FGD6: variants seen among roughly 807,000 people sequenced by gnomAD.
FGD6 encodes FYVE, RhoGEF and PH domain-containing protein 6.
A neutral mutation model predicts 149.4 loss-of-function variants in FGD6; 90 were observed. The observed-to-expected ratio is 0.60, with a 90% CI of 0.51 to 0.72. The LOEUF (loss-of-function observed/expected upper bound fraction) is 0.72, where lower values mean the gene tolerates loss of function less well. Ranked by LOEUF, FGD6 falls within the 30% of genes least tolerant of loss-of-function variation. The pLI is 0.00. For missense variants in FGD6, 1,437 were observed against 1,684.8 expected, an observed-to-expected ratio of 0.85 and a Z score of 2.57; for synonymous variants, 527 against 584.0, an observed-to-expected ratio of 0.90 and a Z score of 1.41.
At chr12:95,199,361 T>C (rs1049807362) in intron 2 of FGD6, among the ~76,000 whole-genome samples, 3 of 152,214 alleles carry the variant, frequency 2.0e-5, no homozygotes, top group Non-Finnish European at 2.9e-5. Context: ...TGTTAATTTC[T>C]CACTTTTTTC....
chr12:95,082,654 CAA>C (rs71075900), intron 20 of FGD6, among the ~76,000 whole-genome samples: 8 of 67,748 alleles, frequency 1.2e-4, no homozygotes, highest in African/African-American at 1.3e-4. Flanking sequence ...GAGACTGTCT[CAA>C]AAAAAAAAAA....
intron 3 of FGD6, among the ~76,000 whole-genome samples, chr12:95,163,638 T>C (rs946932607): frequency 6.6e-6 from 1 of 152,220 alleles, no homozygotes; most frequent in African/African-American, 2.4e-5. Context: ...CTTTTGAAGA[T>C]GTGTTGCATA....
At chr12:95,162,017 C>T (rs886575768) in intron 3 of FGD6, among the ~76,000 whole-genome samples, 4 of 149,422 alleles carry the variant, frequency 2.7e-5, no homozygotes, top group African/African-American at 9.9e-5. Flanking sequence ...CATTTGTAAT[C>T]TCAACATTTT....
intron 6 of FGD6, 79 bp downstream of exon 6, chr12:95,141,309 T>G (rs1879834720): frequency 7.4e-7 from 1 of 1,358,136 alleles, no homozygotes; most frequent in Non-Finnish European, 1.0e-6. Context: ...TGAAAATATA[T>G]CTCTGTCACA....
chr12:95,209,397 CTT>C lies in FGD6; in HGVS notation c.1885_1886del (p.Lys629ValfsTer14). 1 of 1,613,130 alleles carries C rather than the reference CTT, an allele frequency of 6.2e-7. No individual in the cohort carries two copies. Among genetic ancestry groups the C allele is most frequent in the Non-Finnish European group, 8.5e-7 (1 of 1,179,348 alleles). On this transcript the variant is annotated frameshift_variant, in exon 2 of 21. Coordinates refer to ENST00000343958, the MANE Select transcript of FGD6 (RefSeq NM_018351.4). LOFTEE classifies it high-confidence loss of function. ...AGATGGACAGTTTCATGCTGAGCAA[CTT>C]TTTAAAAGAGTTTTTCTTTGTAGAG... ...KDSTKKNSFK[K>X]LLSMKLSICF... is the part of the protein sequence containing the mutation.
intron 2 of FGD6, among the ~76,000 whole-genome samples, chr12:95,180,178 C>A (rs1338098937): frequency 1.3e-5 from 2 of 151,748 alleles, no homozygotes; most frequent in African/African-American, 4.8e-5. Flanking sequence ...AGAGTGTGCT[C>A]CTATTTGTGT....
At chr12:95,126,184 A>T (rs1879333029) in intron 8 of FGD6, 1 of 1,117,288 alleles carries the variant, frequency 9.0e-7, no homozygotes, top group African/African-American at 1.6e-5. Context: ...TCTCTCAAAA[A>T]AGCACCTGTT....
intron 2 of FGD6, among the ~76,000 whole-genome samples, chr12:95,185,117 G>A (rs1881392679): frequency 6.6e-6 from 1 of 152,110 alleles, no homozygotes; most frequent in Non-Finnish European, 1.5e-5. Context: ...CAAGTGATCT[G>A]CCTGCCTCGG....
chr12:95,154,059 G>C (rs550244100), intron 3 of FGD6, among the ~76,000 whole-genome samples: 1 of 151,866 alleles, frequency 6.6e-6, no homozygotes, highest in Non-Finnish European at 1.5e-5. Flanking sequence ...TCCGGGGTTC[G>C]AGAGATTCTC....
Position 95,128,862 on chromosome 12 carries a change from CA to C in FGD6, c.3082+5876del, listed in dbSNP as rs773438152. Reference sequence around the variant, plus strand: ...GTTTTGAAGGACAGCTTTCAGGAGACAGCAAGAAACCTACTATAGCTAGACT... The same window carrying C: ...GTTTTGAAGGACAGCTTTCAGGAGACGCAAGAAACCTACTATAGCTAGACT... On this transcript the variant is annotated intron_variant, in intron 8 of 20. Coordinates refer to ENST00000343958, the MANE Select transcript of FGD6 (RefSeq NM_018351.4). Among the ~76,000 whole-genome samples, 127 of 152,254 alleles carry C rather than the reference CA, an allele frequency of 8.3e-4. 1 individual carries two copies. The highest frequency in any genetic ancestry group is 3.4e-3 in the Middle Eastern group (1 of 294).
At chr12:95,179,645 A>G (rs569461045) in intron 2 of FGD6, among the ~76,000 whole-genome samples, 88 of 152,302 alleles carry the variant, frequency 5.8e-4, no homozygotes, top group African/African-American at 2.1e-3. Flanking sequence ...ACCTACCCAT[A>G]TGCTTGCAAC....
In FGD6 at chr12:95,118,348, C is replaced by CAAA. The variant is rs758125277; in HGVS notation, c.3083-4650_3083-4648dup. 9.4e-3 allele frequency among the ~76,000 whole-genome samples: 1,151 copies of CAAA among 122,230 alleles called. 20 individuals carry two copies. Among genetic ancestry groups the CAAA allele is most frequent in the African/African-American group, 0.035 (1,065 of 30,732 alleles). The allele number at this position is 122,230 out of a possible 152,430, so 80.2% of individuals were successfully genotyped here. A position where few individuals can be genotyped will look rare whatever the true frequency, so the allele number is the denominator to read the frequency against. On this transcript the variant is annotated intron_variant, in intron 8 of 20. Transcript: ENST00000343958. ...TGGATGACAGAGCGAGACTCTGTCTCAAAAAAAAAAAAAAGAAAGAGAGAG... is the reference window on the plus strand; with the variant it reads ...TGGATGACAGAGCGAGACTCTGTCTCAAAAAAAAAAAAAAAAAGAAAGAGAGAG...
chr12:95,082,984 T>TTAAAAAAAAAAAAAAAAAAAAAAAA, intron 20 of FGD6, among the ~76,000 whole-genome samples: 1 of 31,130 alleles, frequency 3.2e-5, no homozygotes, highest in Admixed American at 6.4e-4. Context: ...CTGTCTCCAT[T>TTAAAAAAAAAAAAAAAAAAAAAAAA]AAAAAAAAAA....
intron 13 of FGD6, 41 bp from the exon 14 acceptor site, chr12:95,105,127 G>GA: frequency 6.4e-7 from 1 of 1,552,438 alleles, no homozygotes; most frequent in East Asian, 2.2e-5. Context: ...TCATCCTACT[G>GA]AAAACCATAT....
At position 95,131,046 on chromosome 12, in the gene FGD6, C is replaced by T. The variant is rs569752370; in HGVS notation, c.3082+3693G>A. Among the ~76,000 whole-genome samples the T allele has an allele frequency of 2.3e-4, 35 of 151,284 alleles. No individual in the cohort carries two copies. In the South Asian group the frequency reaches 6.9e-3, roughly 30 times the overall value. ...TGCCTTTCTTTTTAGGAGAAGATATCATCTCTAATATAAATGTTGTCTCAA... is the reference window on the plus strand; with the variant it reads ...TGCCTTTCTTTTTAGGAGAAGATATTATCTCTAATATAAATGTTGTCTCAA... On this transcript the variant is annotated intron_variant, in intron 8 of 20. Transcript: ENST00000343958.
intron 7 of FGD6, among the ~76,000 whole-genome samples, chr12:95,135,892 T>C (rs1879651467): frequency 1.3e-5 from 2 of 152,184 alleles, no homozygotes; most frequent in East Asian, 1.9e-4. Flanking sequence ...CTCACTGGAC[T>C]CTTACCAAAA....
rs368055736 is a variant in FGD6, at chr12:95,108,583, C to T, written c.3134-22G>A. On this transcript the variant is annotated intron_variant, in intron 9 of 20. Transcript: ENST00000343958. ...GCATCTGAAATAGGCAGGAACAAAACGTGCATTTAGTAATTACAATGGAAA... is the reference window on the plus strand; with the variant it reads ...GCATCTGAAATAGGCAGGAACAAAATGTGCATTTAGTAATTACAATGGAAA... 453 of 1,613,574 alleles carry T rather than the reference C, an allele frequency of 2.8e-4. 2 individuals carry two copies. The highest frequency in any genetic ancestry group is 1.5e-3 in the Admixed American group (91 of 59,988).
chr12:95,133,729 A>G (rs1879588625), intron 8 of FGD6, among the ~76,000 whole-genome samples: 1 of 152,212 alleles, frequency 6.6e-6, no homozygotes, highest in South Asian at 2.1e-4. Flanking sequence ...CATCCAATAC[A>G]GTTCAGCAAA....
rs1174763781 is a variant in FGD6 at position 95,186,228 on chromosome 12, C to CTTTTTTT, written c.2442-13491_2442-13485dup. Among the ~76,000 whole-genome samples, 36 of 38,976 alleles carry CTTTTTTT rather than the reference C, an allele frequency of 9.2e-4. 2 individuals are homozygous for CTTTTTTT. Among genetic ancestry groups the CTTTTTTT allele is most frequent in the Non-Finnish European group, 1.5e-3 (30 of 20,184 alleles). 25.6% of individuals were successfully genotyped at this position (38,976 alleles called of 152,430 possible). A position where few individuals can be genotyped will look rare whatever the true frequency, so the allele number is the denominator to read the frequency against. Reference sequence around the variant, plus strand: ...TAAGAATGCTTCTTATATTCTTCTTCTTTTTTTTTTTTTTTTTTTTTTTTT... The same window carrying CTTTTTTT: ...TAAGAATGCTTCTTATATTCTTCTTCTTTTTTTTTTTTTTTTTTTTTTTTTTTTTTTT... On this transcript the variant is annotated intron_variant, in intron 2 of 20. Coordinates refer to ENST00000343958, the MANE Select transcript of FGD6 (RefSeq NM_018351.4).
Sources: gnomAD v4.1 joint callset for allele counts (sites outside exome capture counted in the v4.1 genomes callset) on GRCh38, gnomAD v4.1.1 for gene constraint, MANE v1.5 for transcripts, NCBI Gene and HGNC (gene_info 2026-07-23, HGNC 2026-07-21) for gene names.